SLC16A14: variants seen among roughly 807,000 people sequenced by gnomAD.
The protein encoded by SLC16A14 is solute carrier family 16 member 14.
Under a neutral mutation model 35.8 loss-of-function variants are expected in SLC16A14, and 14 were observed. The ratio of observed to expected loss-of-function variants is 0.39; its 90% confidence interval spans 0.26 to 0.61. The LOEUF is 0.61. SLC16A14 is among the 20% of genes least tolerant of loss of function. The pLI is 0.51. For missense variants in SLC16A14, 533 were observed against 655.0 expected (o/e 0.81, Z 2.03); for synonymous variants, 248 against 258.9 (o/e 0.96, Z 0.40).
Position 230,046,423 on chromosome 2 carries a change from C to T in SLC16A14, c.703G>A (p.Glu235Lys). 2 of 1,614,236 alleles carry T rather than the reference C, an allele frequency of 1.2e-6. No individual in the cohort carries two copies. The highest frequency in any genetic ancestry group is 1.1e-5 in the South Asian group (1 of 91,088). ...TGCTGTCCAGTTGACTTCACAGATT[C>T]TGTGGAGTGCGCTGGCAGGCCACGC... is the stretch of plus-strand genomic sequence containing the variant. ...DVRGLPAHST[E>K]SVKSTGQQGR... Residue 235 changes from glutamate (E) to lysine (K), a missense_variant, in exon 4 of 5, where the codon GAA becomes AAA. Transcript: ENST00000295190. The surrounding 1 kb of genome is among the most constrained non-coding windows in gnomAD (Gnocchi z 5.0).
chr2:230,063,097 G>A (rs1458270887), intron 1 of SLC16A14, among the ~76,000 whole-genome samples: 2 of 152,000 alleles, frequency 1.3e-5, no homozygotes, highest in African/African-American at 4.8e-5. Flanking sequence ...AGACCAGCCT[G>A]GCCAACATGG....
chr2:230,046,261 G>A lies in SLC16A14; in HGVS notation c.865C>T (p.Leu289Phe), dbSNP rs1216165225. Residue 289 changes from leucine (L) to phenylalanine (F), a missense_variant, in exon 4 of 5, where the codon CTC becomes TTC. Coordinates refer to ENST00000295190, the MANE Select transcript of SLC16A14 (RefSeq NM_152527.5). The surrounding 1 kb of genome is among the most constrained non-coding windows in gnomAD (Gnocchi z 5.0). ...AAGCCCTTCCTGACTCTCATGGTGAGCCAGCTGACAGTCTTCAGAATCCGG... is the reference window on the plus strand; with the variant it reads ...AAGCCCTTCCTGACTCTCATGGTGAACCAGCTGACAGTCTTCAGAATCCGG... Reference protein sequence around the residue: ...ALRILKTVSWLTMRVRKGFED... With the variant: ...ALRILKTVSWFTMRVRKGFED... 1 of 1,614,190 alleles carries A rather than the reference G, an allele frequency of 6.2e-7. No individual in the cohort carries two copies. The highest frequency in any genetic ancestry group is 1.7e-5 in the Admixed American group (1 of 60,026).
chr2:230,052,490 G>A (rs79100440), intron 2 of SLC16A14, among the ~76,000 whole-genome samples: 179 of 152,154 alleles, frequency 1.2e-3, no homozygotes, highest in Non-Finnish European at 2.1e-3. Context: ...TCAGTTTGCT[G>A]TTTGTAGCCT....
chr2:230,039,451 G>C (rs1357043541), intron 4 of SLC16A14, among the ~76,000 whole-genome samples: 2 of 152,084 alleles, frequency 1.3e-5, no homozygotes, highest in Non-Finnish European at 2.9e-5. Context: ...TTCAGCTTCA[G>C]AATTGAATTG....
At chr2:230,056,716 A>C (rs563866236) in intron 2 of SLC16A14, among the ~76,000 whole-genome samples, 1 of 152,072 alleles carries the variant, frequency 6.6e-6, no homozygotes, top group South Asian at 2.1e-4. Flanking sequence ...AAAAAGTTTT[A>C]AAAATCAGCA....
At chr2:230,063,777 C>T (rs1322056796) in intron 1 of SLC16A14, among the ~76,000 whole-genome samples, 2 of 152,024 alleles carry the variant, frequency 1.3e-5, no homozygotes, top group African/African-American at 4.8e-5. Context: ...AGTAATTTCC[C>T]GCTTCTTTCT....
chr2:230,050,702 T>C (rs186725530), intron 2 of SLC16A14, among the ~76,000 whole-genome samples: 36 of 152,362 alleles, frequency 2.4e-4, no homozygotes, highest in Admixed American at 5.2e-4. Flanking sequence ...CTTAAGCTTA[T>C]ATGTTTTACA....
chr2:230,037,636 TTA>T (rs2106237497), intron 4 of SLC16A14, 105 bp from the exon 5 acceptor site: 5 of 852,188 alleles, frequency 5.9e-6, no homozygotes, highest in East Asian at 2.7e-5. Flanking sequence ...CTACAAGAAT[TTA>T]TATGTCATTT....
chr2:230,062,410 G>A (rs1435027213), intron 1 of SLC16A14, among the ~76,000 whole-genome samples: 4 of 148,726 alleles, frequency 2.7e-5, no homozygotes, highest in East Asian at 2.0e-4. Context: ...GTGCAGTGGC[G>A]TAATCATAGC....
chr2:230,043,134 C>T (rs2077573783), intron 4 of SLC16A14, among the ~76,000 whole-genome samples: 1 of 152,186 alleles, frequency 6.6e-6, no homozygotes, highest in Non-Finnish European at 1.5e-5. Flanking sequence ...GTATAGTTTG[C>T]TCCGTTGCTA....
At chr2:230,063,640 CT>C (rs1367302371) in intron 1 of SLC16A14, among the ~76,000 whole-genome samples, 8 of 152,146 alleles carry the variant, frequency 5.3e-5, no homozygotes, top group Non-Finnish European at 1.0e-4. Context: ...CCCTAGACAG[CT>C]TTATTTTTGA....
At chr2:230,047,652 T>C (rs2077620817) in intron 3 of SLC16A14, among the ~76,000 whole-genome samples, 4 of 152,230 alleles carry the variant, frequency 2.6e-5, no homozygotes, top group Admixed American at 6.5e-5. Context: ...GAATATGTTC[T>C]AGTGATCTGT....
chr2:230,067,004 C>A, intron 1 of SLC16A14: 1 of 176,760 alleles, frequency 5.7e-6, no homozygotes, highest in Non-Finnish European at 1.2e-5. Context: ...AAGCGGGAAG[C>A]ACGAAGCTAA....
intron 2 of SLC16A14, among the ~76,000 whole-genome samples, chr2:230,052,029 C>T (rs951707912): frequency 5.9e-5 from 9 of 151,886 alleles, no homozygotes; most frequent in South Asian, 4.2e-4. Flanking sequence ...CTCCGCCTCC[C>T]GGGTTCGCGC....
chr2:230,044,014 T>C (rs1358374886), intron 4 of SLC16A14, among the ~76,000 whole-genome samples: 1 of 152,234 alleles, frequency 6.6e-6, no homozygotes, highest in Non-Finnish European at 1.5e-5. Context: ...GTAGGCAGAA[T>C]GCTCCCACCC....
chr2:230,050,034 C>A, intron 2 of SLC16A14, 130 bp from the exon 3 acceptor site: 1 of 1,020,150 alleles, frequency 9.8e-7, no homozygotes, highest in Non-Finnish European at 1.4e-6. Flanking sequence ...GCCCCCATTG[C>A]TTTATATGCC....
chr2:230,039,995 C>A (rs1459240977), intron 4 of SLC16A14, among the ~76,000 whole-genome samples: 2 of 152,136 alleles, frequency 1.3e-5, no homozygotes, highest in Non-Finnish European at 2.9e-5. Flanking sequence ...CTCATCAGCA[C>A]AAGCCATGCT....
rs1577392686 is a variant in SLC16A14 at position 230,051,621 on chromosome 2, G to T, written c.260-1717C>A. On this transcript the variant is annotated intron_variant, in intron 2 of 4. Transcript: ENST00000295190. ...CTAGTACTCAATATTCAGTAAGATG[G>T]CATATTTTAATTATCTTATTTTTGA... Among the ~76,000 whole-genome samples, 3 of 152,236 alleles carry T rather than the reference G, an allele frequency of 2.0e-5. No individual in the cohort carries two copies. In the South Asian group the frequency reaches 6.2e-4, roughly 32 times the overall value.
At chr2:230,054,085 G>GAA (rs376535976) in intron 2 of SLC16A14, among the ~76,000 whole-genome samples, 1 of 115,362 alleles carries the variant, frequency 8.7e-6, no homozygotes, top group Non-Finnish European at 1.9e-5. Context: ...GCAGCCTGAG[G>GAA]TGGGGGGGGA....
Sources: gnomAD v4.1 joint callset for allele counts (sites outside exome capture counted in the v4.1 genomes callset) on GRCh38, gnomAD v4.1.1 for gene constraint, Gnocchi (gnomAD v3.1) non-coding constraint, MANE v1.5 for transcripts, NCBI Gene and HGNC (gene_info 2026-07-23, HGNC 2026-07-21) for gene names.